HIP1: variants seen among roughly 807,000 people sequenced by gnomAD.
The protein encoded by HIP1 is huntingtin-interacting protein 1.
In HIP1, 65 loss-of-function variants were observed where a neutral mutation model predicts 147.6. That is an observed-to-expected ratio of 0.44 (90% CI 0.36 to 0.54). The LOEUF (loss-of-function observed/expected upper bound fraction) is 0.54, where lower values mean the gene tolerates loss of function less well. HIP1 is among the 20% of genes least tolerant of loss of function. The pLI is 0.00. For missense variants in HIP1, 1,061 were observed against 1,299.6 expected (o/e 0.82, Z 2.82); for synonymous variants, 479 against 504.0 (o/e 0.95, Z 0.67).
chr7:75,660,079 T>C (rs1554513383), intron 1 of HIP1, among the ~76,000 whole-genome samples: 1 of 151,380 alleles, frequency 6.6e-6, no homozygotes, highest in Non-Finnish European at 1.5e-5. Flanking sequence ...TGAGCCGAGA[T>C]AGTGCCATTG....
intron 1 of HIP1, among the ~76,000 whole-genome samples, chr7:75,702,965 T>C (rs1554519306): frequency 6.6e-6 from 1 of 152,108 alleles, no homozygotes; most frequent in Non-Finnish European, 1.5e-5. Flanking sequence ...ACACTGGTGA[T>C]CAGATTTCAA....
At chr7:75,539,483 AT>A in intron 29 of HIP1, 52 bp from the exon 30 acceptor site, 1 of 1,380,260 alleles carries the variant, frequency 7.2e-7, no homozygotes, top group Non-Finnish European at 1.0e-6. Context: ...CAGAGATTTA[AT>A]TTTTATTTAT....
intron 1 of HIP1, among the ~76,000 whole-genome samples, chr7:75,734,550 G>A (rs1801955119): frequency 6.6e-6 from 1 of 152,106 alleles, no homozygotes; most frequent in African/African-American, 2.4e-5. Flanking sequence ...CACTAACCAT[G>A]AGCTTCAGGA....
At chr7:75,559,683 TGCCCGCGCCTGCCCCCGGG>T in intron 14 of HIP1, 30 bp downstream of exon 14, 1 of 1,431,636 alleles carries the variant, frequency 7.0e-7, no homozygotes, top group Non-Finnish European at 9.3e-7. Flanking sequence ...TGGGCTCTGC[TGCCCGCGCCTGCCCCCGGG>T]GCCCGCCCCC....
intron 1 of HIP1, among the ~76,000 whole-genome samples, chr7:75,635,111 C>G (rs4731230): frequency 5.3e-5 from 8 of 151,922 alleles, no homozygotes; most frequent in Non-Finnish European, 1.2e-4. Flanking sequence ...GTGAAAGGCA[C>G]ACCCTCCATC....
At chr7:75,708,331 T>C (rs1801064125) in intron 1 of HIP1, among the ~76,000 whole-genome samples, 1 of 152,214 alleles carries the variant, frequency 6.6e-6, no homozygotes, top group African/African-American at 2.4e-5. Flanking sequence ...TGTCTATTGA[T>C]GCCCCAAAAG....
At chr7:75,700,972 T>TA (rs1188937564) in intron 1 of HIP1, among the ~76,000 whole-genome samples, 1 of 152,152 alleles carries the variant, frequency 6.6e-6, no homozygotes, top group East Asian at 1.9e-4. Flanking sequence ...CCTAAAGTGC[T>TA]GGGACTACAG....
intron 1 of HIP1, among the ~76,000 whole-genome samples, chr7:75,731,997 C>T (rs1801852552): frequency 1.3e-5 from 2 of 152,152 alleles, no homozygotes; most frequent in African/African-American, 2.4e-5. Context: ...CCTTCTAGCC[C>T]AGCCCTAAAA....
chr7:75,571,152 A>T (rs1795616540), intron 8 of HIP1, among the ~76,000 whole-genome samples: 1 of 151,826 alleles, frequency 6.6e-6, no homozygotes, highest in Non-Finnish European at 1.5e-5. Flanking sequence ...CCAAACACTT[A>T]TACCTGTCTC....
intron 1 of HIP1, among the ~76,000 whole-genome samples, chr7:75,695,279 T>TC (rs1210187830): frequency 1.3e-5 from 2 of 152,166 alleles, no homozygotes; most frequent in Non-Finnish European, 2.9e-5. Flanking sequence ...GGCTTTTTTT[T>TC]CTGAGACCTT....
At chr7:75,584,243 C>A (rs587659261) in intron 5 of HIP1, among the ~76,000 whole-genome samples, 34 of 151,584 alleles carry the variant, frequency 2.2e-4, no homozygotes, top group Non-Finnish European at 5.0e-4. Context: ...GGATTACAAG[C>A]GTGAGCCACC....
intron 1 of HIP1, among the ~76,000 whole-genome samples, chr7:75,691,851 T>A (rs1800463931): frequency 6.6e-6 from 1 of 151,598 alleles, no homozygotes; most frequent in South Asian, 2.1e-4. Flanking sequence ...GAAAGAAGAC[T>A]AGTGGTTGTC....
intron 1 of HIP1, among the ~76,000 whole-genome samples, chr7:75,713,701 A>ATT (rs10685090): frequency 0.39 from 56,925 of 145,910 alleles, 11,231 homozygotes; most frequent in Admixed American, 0.45. Flanking sequence ...GTGACATGCC[A>ATT]TTTTTTTTTT....
In HIP1 at chr7:75,556,737, C is replaced by A. The variant is rs782046393; in HGVS notation, c.1656G>T (p.Leu552=). 4.3e-6 allele frequency: 7 copies of A among 1,612,664 alleles called. No homozygotes were observed. In the African/African-American group the frequency reaches 6.7e-5, roughly 15 times the overall value. ...GGGCAGAAGTTTCCAGGCTGCCTTG[C>A]AGAACCTGAAGCTCCCGTTGGCTTG... The part of the protein sequence containing the change: ...LATSQRELQV[L]QGSLETSAQS... The change falls in exon 17 of 31, where the codon CTG becomes CTT. Residue 552 remains leucine, a synonymous_variant. Transcript: ENST00000336926.
chr7:75,680,966 AG>A (rs1800045201), intron 1 of HIP1, among the ~76,000 whole-genome samples: 1 of 152,014 alleles, frequency 6.6e-6, no homozygotes, highest in Non-Finnish European at 1.5e-5. Context: ...TTAGTAGAGA[AG>A]GGGTTTTACC....
intron 22 of HIP1, among the ~76,000 whole-genome samples, chr7:75,552,800 C>A (rs1315910029): frequency 6.6e-6 from 1 of 151,970 alleles, no homozygotes; most frequent in Non-Finnish European, 1.5e-5. Context: ...ATAGTAGATT[C>A]TCAGCTAACA....
At chr7:75,578,257 G>A (rs914833662) in intron 7 of HIP1, among the ~76,000 whole-genome samples, 1 of 152,198 alleles carries the variant, frequency 6.6e-6, no homozygotes, top group Admixed American at 6.6e-5. Flanking sequence ...CCGGCTCCAA[G>A]AAGAGGTGAG....
intron 4 of HIP1, among the ~76,000 whole-genome samples, chr7:75,590,475 G>C (rs1263542835): frequency 6.6e-6 from 1 of 152,134 alleles, no homozygotes; most frequent in Non-Finnish European, 1.5e-5. Flanking sequence ...CAAGGAATGA[G>C]AGAAATAGAA....
At chr7:75,659,894 G>A (rs893813809) in intron 1 of HIP1, among the ~76,000 whole-genome samples, 2 of 152,090 alleles carry the variant, frequency 1.3e-5, no homozygotes, top group African/African-American at 4.8e-5. Flanking sequence ...TTGAGAGGCC[G>A]AGGTGGGTGG....
Sources: allele counts gnomAD v4.1 joint callset (sites outside exome capture counted in the v4.1 genomes callset), GRCh38; gene constraint gnomAD v4.1.1; transcripts MANE v1.5; gene names NCBI Gene and HGNC (gene_info 2026-07-23, HGNC 2026-07-21).